Variants in ATP2B2 observed in about 807,000 individuals in gnomAD.
ATP2B2 encodes plasma membrane calcium-transporting ATPase 2.
ATP2B2 carries 15 observed loss-of-function variants against 120.0 expected under a neutral mutation model. That is an observed-to-expected ratio of 0.12 (90% CI 0.08 to 0.19). The LOEUF is 0.19. ATP2B2 is among the 10% of genes least tolerant of loss of function. ATP2B2 has a pLI of 1.00. For synonymous variants in ATP2B2, 694 were observed against 700.3 expected (o/e 0.99, Z 0.14); for missense variants, 1,045 against 1,719.8 (o/e 0.61, Z 6.94).
intron 14 of ATP2B2, among the ~76,000 whole-genome samples, chr3:10,355,710 C>A (rs1161775869): frequency 6.6e-6 from 1 of 152,206 alleles, no homozygotes; most frequent in African/African-American, 2.4e-5. Flanking sequence ...CCAGCTCTGC[C>A]CCCTCAGGCC....
chr3:10,680,482 C>T (rs2071357483), intron 1 of ATP2B2, among the ~76,000 whole-genome samples: 2 of 152,140 alleles, frequency 1.3e-5, no homozygotes, highest in Admixed American at 6.5e-5. Context: ...TGTGGTGGTG[C>T]ATGTCAGCTC....
At chr3:10,671,267 A>T (rs2071088236) in intron 1 of ATP2B2, among the ~76,000 whole-genome samples, 1 of 152,210 alleles carries the variant, frequency 6.6e-6, no homozygotes, top group Non-Finnish European at 1.5e-5. Context: ...GCAGAAAACC[A>T]GGAGTCCGGA....
chr3:10,549,895 C>T (rs903187529), intron 2 of ATP2B2, among the ~76,000 whole-genome samples: 5 of 152,222 alleles, frequency 3.3e-5, no homozygotes, highest in African/African-American at 1.2e-4. Flanking sequence ...TGAGGAGGGG[C>T]GTCTGACCTT....
At chr3:10,552,102 C>T (rs752342331) in intron 2 of ATP2B2, among the ~76,000 whole-genome samples, 1 of 152,208 alleles carries the variant, frequency 6.6e-6, no homozygotes, top group South Asian at 2.1e-4. Flanking sequence ...TTCTAGAGCT[C>T]GCCTGTGGCA....
At chr3:10,627,890 G>C (rs2069750483) in intron 1 of ATP2B2, among the ~76,000 whole-genome samples, 1 of 152,158 alleles carries the variant, frequency 6.6e-6, no homozygotes, top group Non-Finnish European at 1.5e-5. Flanking sequence ...TGTAAAAAAG[G>C]TGGGGTGGAG....
chr3:10,332,176 C>A, intron 22 of ATP2B2: 1 of 751,512 alleles, frequency 1.3e-6, no homozygotes, highest in Non-Finnish European at 2.3e-6. Flanking sequence ...GCTTTCTTCC[C>A]TTTTTGTTGT....
At chr3:10,367,542 C>G (rs977580785) in intron 12 of ATP2B2, among the ~76,000 whole-genome samples, 4 of 152,090 alleles carry the variant, frequency 2.6e-5, no homozygotes, top group African/African-American at 9.7e-5. Flanking sequence ...TGAGCACCTG[C>G]CTGCTCTGTG....
intron 3 of ATP2B2, among the ~76,000 whole-genome samples, chr3:10,529,476 A>C (rs2067166483): frequency 6.6e-6 from 1 of 152,220 alleles, no homozygotes; most frequent in South Asian, 2.1e-4. Flanking sequence ...CCACAGTCTC[A>C]GATTGGAGTT....
rs374400230 is a variant in ATP2B2, at chr3:10,341,182, A to C, written c.2918-478T>G. 1.1e-3 allele frequency among the ~76,000 whole-genome samples: 171 copies of C among 152,136 alleles called. 1 individual carries two copies. The highest frequency in any genetic ancestry group is 4.1e-3 in the African/African-American group (169 of 41,466). ...TGCCAATTCCTATATGGAGCCCAGG[A>C]CTTCTGGGCTAGGCTGGCTCTGGAC... On this transcript the variant is annotated intron_variant, in intron 19 of 22. Coordinates refer to ENST00000360273, the MANE Select transcript of ATP2B2 (RefSeq NM_001001331.4).
At chr3:10,336,365 A>C in intron 22 of ATP2B2, 1 of 1,480,722 alleles carries the variant, frequency 6.8e-7, no homozygotes, top group African/African-American at 1.4e-5. Flanking sequence ...CATGACTGAC[A>C]GGGCAACGTC....
At chr3:10,571,730 C>T (rs2068132124) in intron 2 of ATP2B2, among the ~76,000 whole-genome samples, 1 of 152,202 alleles carries the variant, frequency 6.6e-6, no homozygotes, top group African/African-American at 2.4e-5. Context: ...TAAATGCACC[C>T]TGGATGACTC....
intron 2 of ATP2B2, among the ~76,000 whole-genome samples, chr3:10,549,438 G>T (rs372544175): frequency 6.6e-6 from 1 of 151,978 alleles, no homozygotes. Context: ...TACCACACAG[G>T]TTCCTGGGAG....
At position 10,396,777 on chromosome 3, in the gene ATP2B2, T is replaced by A. The variant is rs370166507; in HGVS notation, c.781+4176A>T. ...AAGGGGAGACATTTGAGATGAAGGA[T>A]GAGAGGGCGAAATGGACATTTCTGG... On this transcript the variant is annotated intron_variant, in intron 5 of 22. Coordinates refer to ENST00000360273, the MANE Select transcript of ATP2B2 (RefSeq NM_001001331.4). Among the ~76,000 whole-genome samples, 41 of 151,164 alleles carry A rather than the reference T, an allele frequency of 2.7e-4. No individual in the cohort carries two copies. The East Asian group carries it at 7.6e-3, about 28-fold the overall frequency.
In ATP2B2 at chr3:10,383,057, T is replaced by A. The variant is rs554987654; in HGVS notation, c.1000+2211A>T. Among the ~76,000 whole-genome samples the A allele has an allele frequency of 6.4e-4, 97 of 150,994 alleles. 1 individual carries two copies. The South Asian group carries it at 0.011, about 17-fold the overall frequency. On this transcript the variant is annotated intron_variant, in intron 8 of 22. Coordinates refer to ENST00000360273, the MANE Select transcript of ATP2B2 (RefSeq NM_001001331.4). ...CTGAGATTCTGCATTTCTTTTTTTT[T>A]AATTTTTTAATTTTAATTTTTATTT... is the stretch of plus-strand genomic sequence containing the variant.
chr3:10,647,546 T>A (rs2070352331), intron 1 of ATP2B2, among the ~76,000 whole-genome samples: 1 of 152,126 alleles, frequency 6.6e-6, no homozygotes, highest in Non-Finnish European at 1.5e-5. Context: ...GTGGGGAGGA[T>A]GAACATGAGG....
At chr3:10,681,418 G>C (rs986618621) in intron 1 of ATP2B2, among the ~76,000 whole-genome samples, 11 of 152,162 alleles carry the variant, frequency 7.2e-5, no homozygotes, top group Admixed American at 2.0e-4. Context: ...CACCCCCATT[G>C]ATCCTCACAA....
At chr3:10,400,014 A>G (rs928272159) in intron 5 of ATP2B2, among the ~76,000 whole-genome samples, 5 of 152,226 alleles carry the variant, frequency 3.3e-5, no homozygotes, top group Non-Finnish European at 7.4e-5. Flanking sequence ...GGGGGTGGAG[A>G]TAGTCCCAGC....
At chr3:10,399,699 G>A (rs2062155973) in intron 5 of ATP2B2, among the ~76,000 whole-genome samples, 1 of 152,166 alleles carries the variant, frequency 6.6e-6, no homozygotes, top group South Asian at 2.1e-4. Context: ...CTACCATCCT[G>A]TCCTGCAGAC....
At chr3:10,610,832 CCT>C (rs545471075) in intron 2 of ATP2B2, among the ~76,000 whole-genome samples, 32 of 152,322 alleles carry the variant, frequency 2.1e-4, no homozygotes, top group African/African-American at 7.5e-4. Flanking sequence ...TCGGTCTACC[CCT>C]CTGAGAACTG....
Sources: allele counts gnomAD v4.1 joint callset (sites outside exome capture counted in the v4.1 genomes callset), GRCh38; gene constraint gnomAD v4.1.1; transcripts MANE v1.5; gene names NCBI Gene and HGNC (gene_info 2026-07-23, HGNC 2026-07-21).